FTSJ1: variants seen among roughly 807,000 people sequenced by gnomAD.
FTSJ1 encodes FtsJ RNA 2'-O-methyltransferase 1, also known as tRNA (cytidine(32)/guanosine(34)-2'-O)-methyltransferase.
In FTSJ1, 3 loss-of-function variants were observed where a neutral mutation model predicts 28.5. That is an observed-to-expected ratio of 0.11 (90% CI 0.05 to 0.27). The LOEUF is 0.27. Ranked by LOEUF, FTSJ1 falls within the 10% of genes least tolerant of loss-of-function variation. The pLI, the probability that FTSJ1 is intolerant of heterozygous loss-of-function variation, is 1.00. For missense variants in FTSJ1, 162 were observed against 279.0 expected (o/e 0.58, Z 2.99); for synonymous variants, 104 against 113.9 (o/e 0.91, Z 0.55).
intron 2 of FTSJ1, 62 bp downstream of exon 2, chrX:48,478,230 C>T (rs2061545407): frequency 2.7e-6 from 3 of 1,091,368 alleles, no homozygotes; most frequent in Non-Finnish European, 3.8e-6. Flanking sequence ...AACAAGTAGG[C>T]TGGGTCTGCA....
At position 48,481,734 on chromosome X, in the gene FTSJ1, G is replaced by T. The variant is rs782684827; in HGVS notation, c.655+19G>T. ...TCTTACGGTGAGAGCTGGAGCATGGGCCACCCTGGGGGACTCTGCCACACC... is the reference window on the plus strand; with the variant it reads ...TCTTACGGTGAGAGCTGGAGCATGGTCCACCCTGGGGGACTCTGCCACACC... On this transcript the variant is annotated intron_variant, in intron 9 of 12. Transcript: ENST00000348411. 2.0e-6 allele frequency: 2 copies of T among 1,005,062 alleles called. No homozygotes were observed. The highest frequency in any genetic ancestry group is 2.8e-6 in the Non-Finnish European group (2 of 707,700). The allele number at this position is 1,005,062 out of a possible 1,213,427, so 82.8% of individuals were successfully genotyped here. A position where few individuals can be genotyped will look rare whatever the true frequency, so the allele number is the denominator to read the frequency against.
At chrX:48,484,303 A>G (rs531744331) in intron 12 of FTSJ1, among the ~76,000 whole-genome samples, 20 of 111,238 alleles carry the variant, frequency 1.8e-4, no homozygotes, top group South Asian at 3.8e-4. Context: ...TCGTGACCTC[A>G]GGTGATCCAC....
chrX:48,478,528 G>A lies in FTSJ1; in HGVS notation c.191+10G>A, dbSNP rs1556967272. On this transcript the variant is annotated intron_variant, in intron 3 of 12. Coordinates refer to ENST00000348411, the MANE Select transcript of FTSJ1 (RefSeq NM_012280.4). ...TGAGCCAGAAGATCGGGTAAGTGTG[G>A]GGGTCCCAGATGGGAGACCCAGGAG... The A allele has an allele frequency of 8.3e-7, 1 of 1,208,020 alleles. No homozygotes were observed. Among genetic ancestry groups the A allele is most frequent in the South Asian group, 1.8e-5 (1 of 56,871 alleles).
At chrX:48,482,375 T>C in intron 9 of FTSJ1, 28 bp from the exon 10 acceptor site, 2 of 1,061,164 alleles carry the variant, frequency 1.9e-6, no homozygotes, top group Non-Finnish European at 2.6e-6. Flanking sequence ...CCTGACCTTG[T>C]CCTCAGTTGT....
At position 48,486,025 on chromosome X, in the gene FTSJ1, A is replaced by G. The variant is rs1556970039; in HGVS notation, c.*299A>G. On this transcript the variant is annotated 3_prime_UTR_variant, in exon 13 of 13. Coordinates refer to ENST00000348411, the MANE Select transcript of FTSJ1 (RefSeq NM_012280.4). ...GGGATTCTTAACCTGGATAGAAGCC[A>G]GGGGTAACCATGAACTTGATGGAAG... 8.9e-6 allele frequency: 1 copy of G among 112,587 alleles called. No individual in the cohort carries two copies. Among genetic ancestry groups the G allele is most frequent in the Non-Finnish European group, 1.9e-5 (1 of 53,345 alleles). The allele number at this position is 112,587 out of a possible 1,213,427, so 9.3% of individuals were successfully genotyped here.
In FTSJ1 at chrX:48,478,673, C is replaced by A; in HGVS notation, c.248C>A (p.Pro83Gln). 1 of 1,207,048 alleles carries A rather than the reference C, an allele frequency of 8.3e-7. No individual in the cohort carries two copies. The highest frequency in any genetic ancestry group is 1.1e-6 in the Non-Finnish European group (1 of 891,644). Reference protein sequence around the residue: ...AVDLQAMAPLPGVVQIQGDIT... With the variant: ...AVDLQAMAPLQGVVQIQGDIT... ...GACCTGCAGGCTATGGCTCCACTAC[C>A]AGGTGTGGTACAGATCCAGGGGGAC... is the stretch of plus-strand genomic sequence containing the variant. The change falls in exon 4 of 13, where the codon CCA (proline) becomes CAA (glutamine). Residue 83 changes from proline (P) to glutamine (Q), a missense_variant. Transcript: ENST00000348411.
At position 48,482,615 on chromosome X, in the gene FTSJ1, T is replaced by C. The variant is rs1556968984; in HGVS notation, c.778T>C (p.Tyr260His). ...CCTGCAGCTAGAGGGCGGCTCAGAGTACAAGTACACTCCACCCACACAGCC... is the reference window on the plus strand; with the variant it reads ...CCTGCAGCTAGAGGGCGGCTCAGAGCACAAGTACACTCCACCCACACAGCC... The part of the protein sequence containing the change: ...YPLDLEGGSE[Y>H]KYTPPTQPPI... The change falls in exon 11 of 13, where the codon TAC becomes CAC. Residue 260 changes from tyrosine (Y) to histidine (H), a missense_variant. By Grantham distance (83) the Tyr-to-His change is moderately conservative. Coordinates refer to ENST00000348411, the MANE Select transcript of FTSJ1 (RefSeq NM_012280.4). The C allele has an allele frequency of 8.3e-7, 1 of 1,201,630 alleles. No homozygotes were observed. The highest frequency in any genetic ancestry group is 2.2e-5 in the Admixed American group (1 of 44,852).
At chrX:48,480,868 A>G (rs984361736) in intron 5 of FTSJ1, among the ~76,000 whole-genome samples, 1 of 110,542 alleles carries the variant, frequency 9.0e-6, no homozygotes, top group Non-Finnish European at 1.9e-5. Flanking sequence ...TTGTGGATGT[A>G]TTGGAGATGT....
intron 5 of FTSJ1, among the ~76,000 whole-genome samples, chrX:48,480,659 G>A (rs1404268420): frequency 5.4e-5 from 6 of 111,323 alleles, no homozygotes; most frequent in Non-Finnish European, 1.1e-4. Flanking sequence ...TAATGGGTGA[G>A]GGCAGTGGTG....
Position 48,482,986 on chromosome X carries a change from A to G in FTSJ1, c.958A>G (p.Met320Val). ...AGTCACTTTTCTTTTTCTTGGGTAG[A>G]TGGAAGACAATGAAATGAGTTGTTC... ...PQCHTLLAPE[M>V]EDNEMSCSP is the part of the protein sequence containing the mutation. The change falls in exon 12 of 13, where the codon ATG (methionine) becomes GTG (valine). Residue 320 changes from methionine to valine, a missense_variant and splice_region_variant. Physicochemically the swap from Met to Val is conservative, Grantham distance 21 (BLOSUM62 1). Coordinates refer to ENST00000348411, the MANE Select transcript of FTSJ1 (RefSeq NM_012280.4). The G allele has an allele frequency of 4.1e-6, 5 of 1,209,566 alleles. No homozygotes were observed. The highest frequency in any genetic ancestry group is 5.6e-6 in the Non-Finnish European group (5 of 893,373).
chrX:48,484,205 G>T (rs1252952002), intron 12 of FTSJ1, among the ~76,000 whole-genome samples: 1 of 109,182 alleles, frequency 9.2e-6, no homozygotes, highest in Non-Finnish European at 1.9e-5. Context: ...AAATAGCTGG[G>T]ATTACAGTGC....
chrX:48,483,373 C>CCTG, intron 12 of FTSJ1: 1 of 206,406 alleles, frequency 4.8e-6, no homozygotes, highest in Non-Finnish European at 8.8e-6. Context: ...CACATATATA[C>CCTG]TATATAGCTT....
chrX:48,478,736 A>T (rs2061549449), intron 4 of FTSJ1, 29 bp downstream of exon 4: 1 of 1,056,634 alleles, frequency 9.5e-7, no homozygotes, highest in Admixed American at 2.3e-5. Context: ...GTGTTGGGGT[A>T]TATCCTGGGT....
chrX:48,478,664 C>T lies in FTSJ1; in HGVS notation c.239C>T (p.Ala80Val). The T allele has an allele frequency of 8.3e-7, 1 of 1,208,309 alleles. No homozygotes were observed. The highest frequency in any genetic ancestry group is 1.1e-6 in the Non-Finnish European group (1 of 892,799). ...GTGGCTGTGGACCTGCAGGCTATGG[C>T]TCCACTACCAGGTGTGGTACAGATC... ...HVVAVDLQAM[A>V]PLPGVVQIQG... Residue 80 changes from alanine to valine, a missense_variant, in exon 4 of 13, where the codon GCT (alanine) becomes GTT (valine). By Grantham distance (64) the Ala-to-Val change is moderately conservative (BLOSUM62 0). Coordinates refer to ENST00000348411, the MANE Select transcript of FTSJ1 (RefSeq NM_012280.4).
chrX:48,485,166 C>A (rs1251407738), intron 12 of FTSJ1, among the ~76,000 whole-genome samples: 1 of 111,655 alleles, frequency 9.0e-6, no homozygotes, highest in Non-Finnish European at 1.9e-5. Context: ...TGGTGGCGGG[C>A]ACCTGTAATC....
At chrX:48,481,121 A>AC (rs782750713) in intron 5 of FTSJ1, 30 bp from the exon 6 acceptor site, 38 of 1,176,756 alleles carry the variant, frequency 3.2e-5, no homozygotes, top group South Asian at 1.4e-4. Context: ...GCCAGATGGG[A>AC]CCCCCCTAAC....
At chrX:48,480,789 TAGAA>T (rs1299793348) in intron 5 of FTSJ1, among the ~76,000 whole-genome samples, 1 of 110,751 alleles carries the variant, frequency 9.0e-6, no homozygotes, top group Non-Finnish European at 1.9e-5. Context: ...TTTGAACAAT[TAGAA>T]AGCTCAGATG....
Position 48,477,983 on chromosome X carries a change from C to G in FTSJ1, c.-65C>G. The G allele has an allele frequency of 8.3e-7, 1 of 1,208,707 alleles. No homozygotes were observed. The highest frequency in any genetic ancestry group is 1.1e-6 in the Non-Finnish European group (1 of 893,594). ...CAGAGGTAGGTGGTAGCCCATTCAT[C>G]TGGTTACTGATACTGGCCGGCATCA... is the stretch of plus-strand genomic sequence containing the variant. On this transcript the variant is annotated 5_prime_UTR_variant, in exon 2 of 13. In the 5' UTR this introduces an upstream ATG that the reference lacks. Transcript: ENST00000348411.
At chrX:48,479,164 G>A (rs1556967670) in intron 5 of FTSJ1, 48 bp downstream of exon 5, 1 of 808,372 alleles carries the variant, frequency 1.2e-6, no homozygotes, top group East Asian at 3.1e-5. Context: ...CCCTGTGTGT[G>A]TCCTTCTCTG....
Sources: gnomAD v4.1 joint callset for allele counts (sites outside exome capture counted in the v4.1 genomes callset) on GRCh38, gnomAD v4.1.1 for gene constraint, MANE v1.5 for transcripts, NCBI Gene and HGNC (gene_info 2026-07-23, HGNC 2026-07-21) for gene names.